Variants in TRAF4 observed in about 807,000 individuals in gnomAD.
TRAF4 encodes TNF receptor associated factor 4, also known as TNF receptor-associated factor 4.
Under a neutral mutation model 47.3 loss-of-function variants are expected in TRAF4, and 9 were observed. The ratio of observed to expected loss-of-function variants is 0.19; its 90% CI spans 0.11 to 0.33. The LOEUF is 0.33. Ranked by LOEUF, TRAF4 falls within the 10% of genes least tolerant of loss-of-function variation. The pLI is 1.00. For synonymous variants in TRAF4, 236 were observed against 236.9 expected (o/e 1.00, Z 0.04); for missense variants, 448 against 620.3 (o/e 0.72, Z 2.95).
rs565996106 is a variant in TRAF4 at position 28,748,938 on chromosome 17, C to T, written c.781-7C>T. Reference sequence around the variant, plus strand: ...CCTTCCCCCATGGCCTGGGGCTTTGCCAACAGTGCCCTAAGCTGGCAATGG... The same window carrying T: ...CCTTCCCCCATGGCCTGGGGCTTTGTCAACAGTGCCCTAAGCTGGCAATGG... On this transcript the variant is annotated splice_region_variant and splice_polypyrimidine_tract_variant and intron_variant, in intron 6 of 6. Transcript: ENST00000262395. 6.2e-7 allele frequency: 1 copy of T among 1,603,916 alleles called. No individual in the cohort carries two copies. The highest frequency in any genetic ancestry group is 1.3e-5 in the African/African-American group (1 of 74,826).
Position 28,749,540 on chromosome 17 carries a change from G to T in TRAF4, c.1376G>T (p.Arg459Leu), listed in dbSNP as rs778922671. ...NYVRDDAVFI[R>L]AAVELPRKIL... ...GTGCGGGATGATGCAGTCTTCATCC[G>T]TGCTGCTGTTGAACTGCCCCGGAAG... is the stretch of plus-strand genomic sequence containing the variant. The change falls in exon 7 of 7, where the codon CGT becomes CTT. Residue 459 changes from arginine to leucine, a missense_variant. Transcript: ENST00000262395. The T allele has an allele frequency of 6.2e-7, 1 of 1,613,450 alleles. No homozygotes were observed.
chr17:28,744,287 CGGGGCGGGGCGG>C, intron 1 of TRAF4, 32 bp downstream of exon 1: 2 of 94,624 alleles, frequency 2.1e-5, no homozygotes, highest in Non-Finnish European at 4.2e-5. Flanking sequence ...ACAGCGGGGG[CGGGGCGGGGCGG>C]GGGGCGCCGC....
intron 1 of TRAF4, among the ~76,000 whole-genome samples, chr17:28,746,521 G>A (rs892966397): frequency 6.6e-6 from 1 of 152,246 alleles, no homozygotes; most frequent in Admixed American, 6.5e-5. Flanking sequence ...CCTTGTGTGT[G>A]TGGTGTAGTA....
chr17:28,744,886 G>C (rs1316574515), intron 1 of TRAF4: 1 of 152,584 alleles, frequency 6.6e-6, no homozygotes, highest in Non-Finnish European at 1.5e-5. Flanking sequence ...TAAGGCGGGT[G>C]GTCCATAAGT....
In TRAF4 at chr17:28,749,912, G is replaced by C. The variant is rs1177923521; in HGVS notation, c.*335G>C. 5.7e-6 allele frequency: 4 copies of C among 700,362 alleles called. No homozygotes were observed. The Admixed American group carries it at 6.0e-5, about 11-fold the overall frequency. The allele number at this position is 700,362 out of a possible 1,614,324, so 43.4% of individuals were successfully genotyped here. A position where few individuals can be genotyped will look rare whatever the true frequency, so the allele number is the denominator to read the frequency against. Reference sequence around the variant, plus strand: ...GGTGCTATGTCCCAAGAGCCATAAGGGGGTGGGAATTGGGGAGGGAGAAAG... The same window carrying C: ...GGTGCTATGTCCCAAGAGCCATAAGCGGGTGGGAATTGGGGAGGGAGAAAG... On this transcript the variant is annotated 3_prime_UTR_variant, in exon 7 of 7. Coordinates refer to ENST00000262395, the MANE Select transcript of TRAF4 (RefSeq NM_004295.4).
chr17:28,744,371 T>G (rs2034474717), intron 1 of TRAF4, 116 bp downstream of exon 1: 1 of 1,225,034 alleles, frequency 8.2e-7, no homozygotes, highest in African/African-American at 1.6e-5. Context: ...CCCTGTGACC[T>G]CAGGGGCGCC....
chr17:28,744,954 GCA>G (rs2034486139), intron 1 of TRAF4: 1 of 152,394 alleles, frequency 6.6e-6, no homozygotes, highest in East Asian at 1.9e-4. Context: ...CTCTCAGGAC[GCA>G]GGTTAGCCCT....
In TRAF4 at chr17:28,748,937, G is replaced by C; in HGVS notation, c.781-8G>C. 3 of 1,603,890 alleles carry C rather than the reference G, an allele frequency of 1.9e-6. No individual in the cohort carries two copies. Among genetic ancestry groups the C allele is most frequent in the East Asian group, 2.2e-5 (1 of 44,822 alleles). ...CCCTTCCCCCATGGCCTGGGGCTTTGCCAACAGTGCCCTAAGCTGGCAATG... is the reference window on the plus strand; with the variant it reads ...CCCTTCCCCCATGGCCTGGGGCTTTCCCAACAGTGCCCTAAGCTGGCAATG... On this transcript the variant is annotated splice_region_variant and splice_polypyrimidine_tract_variant and intron_variant, in intron 6 of 6. Transcript: ENST00000262395.
rs2034590030 is a variant in TRAF4, at chr17:28,750,900, G to A, written c.*1323G>A. On this transcript the variant is annotated 3_prime_UTR_variant, in exon 7 of 7. Coordinates refer to ENST00000262395, the MANE Select transcript of TRAF4 (RefSeq NM_004295.4). ...ACACAGGGCCTCCATTACCGTCACT[G>A]GTGAAATGCGGCTCACCTCCCAGAT... 1 of 152,166 alleles carries A rather than the reference G, an allele frequency of 6.6e-6. No individual in the cohort carries two copies. The highest frequency in any genetic ancestry group is 2.4e-5 in the African/African-American group (1 of 41,424). The allele number at this position is 152,166 out of a possible 1,614,324, so 9.4% of individuals were successfully genotyped here.
chr17:28,747,980 C>T (rs745595008), intron 3 of TRAF4, 33 bp downstream of exon 3: 3 of 1,614,184 alleles, frequency 1.9e-6, no homozygotes, highest in South Asian at 2.2e-5. Context: ...GGCACCACCT[C>T]TCCCTTGGCA....
Position 28,744,064 on chromosome 17 carries a change from G to A in TRAF4, c.-49G>A. 4 of 1,312,608 alleles carry A rather than the reference G, an allele frequency of 3.0e-6. No individual in the cohort carries two copies. Among genetic ancestry groups the A allele is most frequent in the Non-Finnish European group, 2.9e-6 (3 of 1,020,344 alleles). The allele number at this position is 1,312,608 out of a possible 1,614,324, so 81.3% of individuals were successfully genotyped here. A position where few individuals can be genotyped will look rare whatever the true frequency, so the allele number is the denominator to read the frequency against. Reference sequence around the variant, plus strand: ...CGCTCCAGCGAGGCGCGGGCTGTGGGGCCGCCGCGTGCCTGGCCCCGCTCG... The same window carrying A: ...CGCTCCAGCGAGGCGCGGGCTGTGGAGCCGCCGCGTGCCTGGCCCCGCTCG... On this transcript the variant is annotated 5_prime_UTR_variant, in exon 1 of 7. Coordinates refer to ENST00000262395, the MANE Select transcript of TRAF4 (RefSeq NM_004295.4).
At chr17:28,747,010 C>T (rs903029236) in intron 1 of TRAF4, 1 of 482,766 alleles carries the variant, frequency 2.1e-6, no homozygotes, top group Admixed American at 3.8e-5. Context: ...TAGGCCCAGA[C>T]CCCCCTTCCC....
chr17:28,749,708 C>G lies in TRAF4; in HGVS notation c.*131C>G. On this transcript the variant is annotated 3_prime_UTR_variant, in exon 7 of 7. Coordinates refer to ENST00000262395, the MANE Select transcript of TRAF4 (RefSeq NM_004295.4). ...AGGTTCTGTTACCCCATCCTCCCTCCCCCAGCCACCACCCTCAGGTGCCTC... is the reference window on the plus strand; with the variant it reads ...AGGTTCTGTTACCCCATCCTCCCTCGCCCAGCCACCACCCTCAGGTGCCTC... The G allele has an allele frequency of 6.9e-7, 1 of 1,446,316 alleles. No individual in the cohort carries two copies. The allele number at this position is 1,446,316 out of a possible 1,614,324, so 89.6% of individuals were successfully genotyped here. A position where few individuals can be genotyped will look rare whatever the true frequency, so the allele number is the denominator to read the frequency against.
rs771484464 is a variant in TRAF4 at position 28,747,839 on chromosome 17, C to G, written c.196-4C>G. ...CTGGCCAGTTCCCCCATCCCTACCC[C>G]CAGATCTACCCAGACCCGGAGCTGG... On this transcript the variant is annotated splice_polypyrimidine_tract_variant and splice_region_variant and intron_variant, in intron 2 of 6. Coordinates refer to ENST00000262395, the MANE Select transcript of TRAF4 (RefSeq NM_004295.4). 1.2e-6 allele frequency: 2 copies of G among 1,612,742 alleles called. No homozygotes were observed. Among genetic ancestry groups the G allele is most frequent in the South Asian group, 2.2e-5 (2 of 90,804 alleles).
rs549671874 is a variant in TRAF4, at chr17:28,746,878, T to G, written c.144-335T>G. 4 of 239,802 alleles carry G rather than the reference T, an allele frequency of 1.7e-5. No homozygotes were observed. In the South Asian group the frequency reaches 5.3e-4, roughly 32 times the overall value. The allele number at this position is 239,802 out of a possible 1,614,324, so 14.9% of individuals were successfully genotyped here. On this transcript the variant is annotated intron_variant, in intron 1 of 6. Coordinates refer to ENST00000262395, the MANE Select transcript of TRAF4 (RefSeq NM_004295.4). ...TCAGCGCAGCCAATGAAAACTAACC[T>G]AGGGGGAGGGGGTGACTGTGCAGCG...
chr17:28,745,715 G>T, intron 1 of TRAF4: 1 of 154,490 alleles, frequency 6.5e-6, no homozygotes, highest in South Asian at 2.0e-4. Context: ...GAGCTGTGCT[G>T]CTGAGGCTTC....
At chr17:28,748,911 T>C in intron 6 of TRAF4, 34 bp from the exon 7 acceptor site, 1 of 1,582,196 alleles carries the variant, frequency 6.3e-7, no homozygotes, top group South Asian at 1.2e-5. Context: ...ATAACTCTCC[T>C]CCCTTCCCCC....
chr17:28,749,513 A>T lies in TRAF4; in HGVS notation c.1349A>T (p.Tyr450Phe). 1 of 1,613,786 alleles carries T rather than the reference A, an allele frequency of 6.2e-7. No individual in the cohort carries two copies. Among genetic ancestry groups the T allele is most frequent in the Non-Finnish European group, 8.5e-7 (1 of 1,180,006 alleles). The part of the protein sequence containing the change: ...ISHQDIRKRN[Y>F]VRDDAVFIRA... Reference sequence around the variant, plus strand: ...CACCAGGACATTCGAAAGCGAAACTATGTGCGGGATGATGCAGTCTTCATC... The same window carrying T: ...CACCAGGACATTCGAAAGCGAAACTTTGTGCGGGATGATGCAGTCTTCATC... The change falls in exon 7 of 7, where the codon TAT becomes TTT. Residue 450 changes from tyrosine to phenylalanine, a missense_variant. Coordinates refer to ENST00000262395, the MANE Select transcript of TRAF4 (RefSeq NM_004295.4).
At chr17:28,746,903 G>A (rs942367424) in intron 1 of TRAF4, 18 of 309,976 alleles carry the variant, frequency 5.8e-5, no homozygotes, top group East Asian at 3.5e-4. Flanking sequence ...ACTGTGCAGC[G>A]TGTTCCTTTC....
Sources: gnomAD v4.1 joint callset for allele counts (sites outside exome capture counted in the v4.1 genomes callset) on GRCh38, gnomAD v4.1.1 for gene constraint, MANE v1.5 for transcripts, NCBI Gene and HGNC (gene_info 2026-07-23, HGNC 2026-07-21) for gene names.